Variants in TOX2 observed in about 807,000 individuals in gnomAD.
TOX2 encodes TOX high mobility group box family member 2, also known as granulosa cell HMG box 1.
Under a neutral mutation model 47.4 loss-of-function variants are expected in TOX2, and 15 were observed. The ratio of observed to expected loss-of-function variants is 0.32; its 90% CI spans 0.21 to 0.49. The LOEUF is 0.49. Among genes scored for constraint, TOX2 ranks in the 20% least tolerant of loss-of-function variants. The pLI, the probability that TOX2 is intolerant of heterozygous loss-of-function variation, is 0.99. For synonymous variants in TOX2, 290 were observed against 296.6 expected, an observed-to-expected ratio of 0.98 and a Z score of 0.23; for missense variants, 622 against 673.1, an observed-to-expected ratio of 0.92 and a Z score of 0.84.
chr20:44,063,849 G>A (rs1490327466), intron 5 of TOX2, among the ~76,000 whole-genome samples: 4 of 151,820 alleles, frequency 2.6e-5, no homozygotes, highest in African/African-American at 9.7e-5. Flanking sequence ...AGGAAATAAT[G>A]GCATTTGCAG....
At chr20:43,946,059 G>A (rs763918925) in intron 1 of TOX2, 6 of 1,612,210 alleles carry the variant, frequency 3.7e-6, no homozygotes, top group East Asian at 4.5e-5. Context: ...GGTGCCCACC[G>A]CCCCATGAGG....
intron 3 of TOX2, among the ~76,000 whole-genome samples, chr20:44,048,417 T>TATAA (rs1388097590): frequency 4.3e-5 from 6 of 139,590 alleles, no homozygotes; most frequent in East Asian, 4.1e-4. Context: ...TATATATGTA[T>TATAA]AATTTACCAA....
chr20:44,027,925 C>G (rs2071090573), intron 3 of TOX2, among the ~76,000 whole-genome samples: 1 of 152,178 alleles, frequency 6.6e-6, no homozygotes, highest in Non-Finnish European at 1.5e-5. Flanking sequence ...CTAGAGCTCC[C>G]AGCCCACCTG....
intron 2 of TOX2, among the ~76,000 whole-genome samples, chr20:43,981,979 A>G (rs2070177492): frequency 6.7e-6 from 1 of 149,966 alleles, no homozygotes; most frequent in African/African-American, 2.5e-5. Context: ...ATATTTAGTC[A>G]TCAATGGAAA....
intron 3 of TOX2, among the ~76,000 whole-genome samples, chr20:44,018,359 A>G (rs757314935): frequency 6.6e-6 from 1 of 152,192 alleles, no homozygotes; most frequent in East Asian, 1.9e-4. Context: ...CTAACAGGGT[A>G]TGAACTCTGA....
chr20:44,035,138 G>A (rs990761850), intron 3 of TOX2, among the ~76,000 whole-genome samples: 2 of 152,202 alleles, frequency 1.3e-5, no homozygotes, highest in African/African-American at 4.8e-5. Flanking sequence ...GGGACCTCTT[G>A]TCTCCTCTCT....
intron 1 of TOX2, among the ~76,000 whole-genome samples, chr20:43,927,048 A>G (rs934843519): frequency 1.3e-5 from 2 of 152,212 alleles, no homozygotes; most frequent in African/African-American, 4.8e-5. Flanking sequence ...CCATTGTAAC[A>G]ATTCCGTAGG....
intron 4 of TOX2, among the ~76,000 whole-genome samples, chr20:44,052,000 C>A (rs1034632973): frequency 6.6e-6 from 1 of 152,174 alleles, no homozygotes; most frequent in Admixed American, 6.5e-5. Context: ...TCCTGAAGGC[C>A]AGTGGGCGAT....
chr20:44,048,900 G>A (rs2071461168), intron 3 of TOX2, among the ~76,000 whole-genome samples: 1 of 152,246 alleles, frequency 6.6e-6, no homozygotes, highest in Non-Finnish European at 1.5e-5. Context: ...ACTTTGGCGG[G>A]CCGAGGTGGG....
chr20:43,951,707 G>GTTTGTTTTTTTTTTTT (rs2069571364), intron 1 of TOX2, among the ~76,000 whole-genome samples: 1 of 55,098 alleles, frequency 1.8e-5, no homozygotes, highest in Non-Finnish European at 3.9e-5. Context: ...AACTTATTAT[G>GTTTGTTTTTTTTTTTT]TTTTTTTTTT....
intron 4 of TOX2, among the ~76,000 whole-genome samples, chr20:44,052,249 G>A (rs951828612): frequency 1.3e-5 from 2 of 152,172 alleles, no homozygotes; most frequent in Non-Finnish European, 2.9e-5. Flanking sequence ...TGGTAGGGAT[G>A]AGAGCCCGCC....
At chr20:43,922,269 G>A (rs539716291) in intron 1 of TOX2, among the ~76,000 whole-genome samples, 1 of 152,326 alleles carries the variant, frequency 6.6e-6, no homozygotes, top group South Asian at 2.1e-4. Flanking sequence ...GTTGCTGCAT[G>A]CATTGCGGAA....
rs142170397 is a variant in TOX2, at chr20:43,943,513, G to A, written c.99+28523G>A. ...ACCACCCTGAGACCCTTACCGGTGAGTACTGTCTTCCTTATACTCACCTCT... is the reference window on the plus strand; with the variant it reads ...ACCACCCTGAGACCCTTACCGGTGAATACTGTCTTCCTTATACTCACCTCT... On this transcript the variant is annotated intron_variant, in intron 1 of 8. Transcript: ENST00000341197. Among the ~76,000 whole-genome samples the A allele has an allele frequency of 6.9e-3, 1,054 of 152,258 alleles. 20 individuals carry two copies. The highest frequency in any genetic ancestry group is 0.057 in the East Asian group (297 of 5,180).
chr20:44,038,974 T>C (rs1486883520), intron 3 of TOX2: 1 of 1,189,930 alleles, frequency 8.4e-7, no homozygotes, highest in Non-Finnish European at 1.1e-6. Context: ...CTGGGGCGGG[T>C]GCAGATGTGG....
At chr20:44,064,468 A>C (rs8121875) in intron 5 of TOX2, among the ~76,000 whole-genome samples, 29,616 of 152,268 alleles carry the variant, frequency 0.19, 2,948 homozygotes, top group African/African-American at 0.24. Context: ...GCTGGCTCAG[A>C]ATGGGGGCTT....
chr20:44,009,234 C>T (rs562592758), intron 3 of TOX2, among the ~76,000 whole-genome samples: 1 of 152,254 alleles, frequency 6.6e-6, no homozygotes, highest in African/African-American at 2.4e-5. Flanking sequence ...TTTATTACCA[C>T]CAAACTTCCT....
intron 5 of TOX2, among the ~76,000 whole-genome samples, chr20:44,063,021 T>C (rs1357327569): frequency 2.0e-5 from 3 of 152,182 alleles, no homozygotes; most frequent in Non-Finnish European, 4.4e-5. Flanking sequence ...ATCTAAGACC[T>C]GAAACCCTAA....
intron 1 of TOX2, among the ~76,000 whole-genome samples, chr20:43,923,458 A>G (rs533425435): frequency 4.6e-5 from 7 of 152,190 alleles, no homozygotes; most frequent in African/African-American, 7.2e-5. Flanking sequence ...CCACTCCCAG[A>G]AGTTCTGACT....
chr20:44,005,629 A>G (rs537292821), intron 2 of TOX2, among the ~76,000 whole-genome samples: 4 of 152,264 alleles, frequency 2.6e-5, no homozygotes, highest in Non-Finnish European at 5.9e-5. Context: ...ATCTACCATT[A>G]GAAAACCAAA....
Sources: allele counts gnomAD v4.1 joint callset (sites outside exome capture counted in the v4.1 genomes callset), GRCh38; gene constraint gnomAD v4.1.1; transcripts MANE v1.5; gene names NCBI Gene and HGNC (gene_info 2026-07-23, HGNC 2026-07-21).